Variants in CACNA1C observed in about 807,000 individuals in gnomAD.
CACNA1C encodes voltage-dependent L-type calcium channel subunit alpha-1C.
A neutral mutation model predicts 229.0 loss-of-function variants in CACNA1C; 30 were observed. The ratio of observed to expected loss-of-function variants is 0.13; its 90% CI spans 0.10 to 0.18. CACNA1C has a LOEUF of 0.18. CACNA1C is among the 10% of genes least tolerant of loss of function. The pLI, the probability that CACNA1C is intolerant of heterozygous loss-of-function variation, is 1.00. For missense variants in CACNA1C, 1,658 were observed against 2,845.0 expected, an observed-to-expected ratio of 0.58 and a Z score of 9.49; for synonymous variants, 1,114 against 1,132.5, an observed-to-expected ratio of 0.98 and a Z score of 0.33.
At chr12:2,203,370 G>A (rs147211269) in intron 3 of CACNA1C, among the ~76,000 whole-genome samples, 17 of 152,312 alleles carry the variant, frequency 1.1e-4, no homozygotes, top group African/African-American at 4.1e-4. Flanking sequence ...GTTAGGGGCT[G>A]TCTCACCCAC....
chr12:2,003,981 T>C (rs2429123), intron 1 of CACNA1C, among the ~76,000 whole-genome samples: 115,455 of 152,030 alleles, frequency 0.76, 44,289 homozygotes, highest in African/African-American at 0.89. Flanking sequence ...GGCCATAAGG[T>C]ATCAGGTCCT....
intron 9 of CACNA1C, among the ~76,000 whole-genome samples, chr12:2,528,607 A>T (rs952490319): frequency 6.6e-6 from 1 of 152,240 alleles, no homozygotes; most frequent in Non-Finnish European, 1.5e-5. Flanking sequence ...GCCATGTGCC[A>T]ATCACGGAGA....
rs369690952 is a variant in CACNA1C at position 2,688,638 on chromosome 12, C to A, written c.5976C>A (p.Cys1992Ter). 6.2e-7 allele frequency: 1 copy of A among 1,613,902 alleles called. No individual in the cohort carries two copies. Among genetic ancestry groups the A allele is most frequent in the Non-Finnish European group, 8.5e-7 (1 of 1,179,872 alleles). Reference sequence around the variant, plus strand: ...ACAGCAGCTTCCCATCCATCCACTGCGGCTCCTGGGCTGAGACCACCCCCG... The same window carrying A: ...ACAGCAGCTTCCCATCCATCCACTGAGGCTCCTGGGCTGAGACCACCCCCG... ...KLNSSFPSIHCGSWAETTPGG... is the reference protein window; with the variant it reads ...KLNSSFPSIH Residue 1992 changes from cysteine to a stop codon, truncating the protein, a stop_gained, in exon 46 of 47, where the codon TGC (cysteine) becomes TGA (stop). Transcript: ENST00000399655. LOFTEE classifies it high-confidence loss of function.
intron 3 of CACNA1C, among the ~76,000 whole-genome samples, chr12:2,349,602 G>A (rs893884145): frequency 1.3e-5 from 2 of 152,058 alleles, no homozygotes; most frequent in Non-Finnish European, 2.9e-5. Flanking sequence ...CATTGCCATG[G>A]GTGTGAAAGG....
intron 3 of CACNA1C, among the ~76,000 whole-genome samples, chr12:2,369,594 G>C (rs1048472312): frequency 2.0e-5 from 3 of 151,942 alleles, no homozygotes; most frequent in Non-Finnish European, 4.4e-5. Context: ...AGTAGAGTCA[G>C]GGTTTCACCA....
In CACNA1C at chr12:2,286,927, C is replaced by T. The variant is rs182209768; in HGVS notation, c.478-162049C>T. On this transcript the variant is annotated intron_variant, in intron 3 of 46. Transcript: ENST00000399655. ...CTCATGTGCCCCAAGCACATTGGAA[C>T]GCCAGAGGAATTTTAAGCAGATTTT... 2.6e-3 allele frequency among the ~76,000 whole-genome samples: 401 copies of T among 152,356 alleles called. 1 individual carries two copies. Among genetic ancestry groups the T allele is most frequent in the Middle Eastern group, 3.4e-3 (1 of 294 alleles).
intron 3 of CACNA1C, among the ~76,000 whole-genome samples, chr12:2,222,829 A>G (rs2061831001): frequency 6.6e-6 from 1 of 152,220 alleles, no homozygotes; most frequent in Admixed American, 6.5e-5. Context: ...TTCAGCAGCC[A>G]CACCCAGAGC....
In CACNA1C at chr12:2,639,744, G is replaced by A. The variant is rs1163413954; in HGVS notation, c.3912+5364G>A. Among the ~76,000 whole-genome samples, 3 of 152,162 alleles carry A rather than the reference G, an allele frequency of 2.0e-5. No homozygotes were observed. The highest frequency in any genetic ancestry group is 7.2e-5 in the African/African-American group (3 of 41,422). ...TGTTTCCTGTCATCAGGCGCCCATG[G>A]TGTCATGGGGATGCTTCCTCCAGGG... is the stretch of plus-strand genomic sequence containing the variant. On this transcript the variant is annotated intron_variant, in intron 30 of 46. Transcript: ENST00000399655. The surrounding 1 kb of genome is among the most constrained non-coding windows in gnomAD (Gnocchi z 4.2).
At chr12:2,551,683 A>G (rs2099903743) in intron 10 of CACNA1C, among the ~76,000 whole-genome samples, 1 of 152,142 alleles carries the variant, frequency 6.6e-6, no homozygotes, top group Non-Finnish European at 1.5e-5. Context: ...GTCTCATGTA[A>G]TGAGATTAGG....
At position 2,319,823 on chromosome 12, in the gene CACNA1C, T is replaced by C. The variant is rs1275346022; in HGVS notation, c.478-129153T>C. Reference sequence around the variant, plus strand: ...CTGGACCCTGAAAGAGCCTGCCAGGTATCCCCTTCTAGCAGGAGGGGCCCC... The same window carrying C: ...CTGGACCCTGAAAGAGCCTGCCAGGCATCCCCTTCTAGCAGGAGGGGCCCC... On this transcript the variant is annotated intron_variant, in intron 3 of 46. Transcript: ENST00000399655. This position sits in a 1 kb window ranked among gnomAD's most constrained non-coding sequence, Gnocchi z 4.0. Among the ~76,000 whole-genome samples, 1 of 152,014 alleles carries C rather than the reference T, an allele frequency of 6.6e-6. No homozygotes were observed. The highest frequency in any genetic ancestry group is 1.5e-5 in the Non-Finnish European group (1 of 67,986).
At position 2,488,131 on chromosome 12, in the gene CACNA1C, A is replaced by C. The variant is rs1047302573; in HGVS notation, c.916+1869A>C. On this transcript the variant is annotated intron_variant, in intron 6 of 46. Transcript: ENST00000399655. The surrounding 1 kb of genome is among the most constrained non-coding windows in gnomAD (Gnocchi z 4.0). ...GCCAAAGATGGCGGCCCTGCTGTGC[A>C]ATCAGAGGTCTGTGCACCACAGAGT... Among the ~76,000 whole-genome samples, 2 of 152,220 alleles carry C rather than the reference A, an allele frequency of 1.3e-5. No individual in the cohort carries two copies. The highest frequency in any genetic ancestry group is 4.8e-5 in the African/African-American group (2 of 41,456).
intron 3 of CACNA1C, chr12:2,217,326 G>T (rs187695350): frequency 6.6e-6 from 1 of 152,338 alleles, no homozygotes; most frequent in East Asian, 1.9e-4. Context: ...GTGTTCTGGA[G>T]ATGGATGGAG....
intron 9 of CACNA1C, among the ~76,000 whole-genome samples, chr12:2,536,769 C>T (rs527292257): frequency 3.3e-5 from 5 of 152,078 alleles, no homozygotes; most frequent in Middle Eastern, 3.4e-3. Flanking sequence ...CTGGAGGCTG[C>T]GGTGAGCCAA....
chr12:2,091,038 T>G (rs2070635236), intron 1 of CACNA1C, among the ~76,000 whole-genome samples: 2 of 152,216 alleles, frequency 1.3e-5, no homozygotes, highest in African/African-American at 4.8e-5. Flanking sequence ...TATTCAAGTC[T>G]TTTGCCCATT....
rs187720541 is a variant in CACNA1C, at chr12:2,673,071, A to G, written c.4727-1470A>G. ...ATTTGAACCCAGGCAGTCTGACACA[A>G]GAGCCCTCAACCACAATACTGGACT... On this transcript the variant is annotated intron_variant, in intron 38 of 46. Coordinates refer to ENST00000399655, the MANE Select transcript of CACNA1C (RefSeq NM_000719.7). Among the ~76,000 whole-genome samples the G allele has an allele frequency of 2.0e-4, 31 of 152,344 alleles. No homozygotes were observed. In the South Asian group the frequency reaches 6.4e-3, roughly 32 times the overall value.
At chr12:2,184,506 C>G (rs2096937507) in intron 3 of CACNA1C, among the ~76,000 whole-genome samples, 1 of 152,326 alleles carries the variant, frequency 6.6e-6, no homozygotes, top group Non-Finnish European at 1.5e-5. Context: ...CCTGGCAGGG[C>G]TGATCATAGA....
At chr12:2,426,312 A>G (rs1173489804) in intron 3 of CACNA1C, among the ~76,000 whole-genome samples, 1 of 152,232 alleles carries the variant, frequency 6.6e-6, no homozygotes, top group East Asian at 1.9e-4. Flanking sequence ...ATCAGAAATA[A>G]TTGACAACAG....
chr12:2,175,452 T>C (rs2096617402), intron 3 of CACNA1C, among the ~76,000 whole-genome samples: 1 of 152,170 alleles, frequency 6.6e-6, no homozygotes, highest in Admixed American at 6.5e-5. Flanking sequence ...CCTCCATGTT[T>C]TCTGTGACCT....
intron 5 of CACNA1C, among the ~76,000 whole-genome samples, chr12:2,462,451 C>T (rs1404664286): frequency 6.6e-6 from 1 of 152,180 alleles, no homozygotes; most frequent in African/African-American, 2.4e-5. Flanking sequence ...TCACCTCTCA[C>T]CATCTGCCAT....
Sources: allele counts gnomAD v4.1 joint callset (sites outside exome capture counted in the v4.1 genomes callset), GRCh38; gene constraint gnomAD v4.1.1; non-coding constraint Gnocchi (gnomAD v3.1); transcripts MANE v1.5; gene names NCBI Gene and HGNC (gene_info 2026-07-23, HGNC 2026-07-21).